Variants in TSEN2 observed in about 807,000 individuals in gnomAD.
TSEN2 encodes the protein tRNA-splicing endonuclease subunit Sen2.
TSEN2 carries 54 observed loss-of-function variants against 59.2 expected under a neutral mutation model. That is an observed-to-expected ratio of 0.91 (90% CI 0.73 to 1.14). The LOEUF (loss-of-function observed/expected upper bound fraction) is 1.14, where lower values mean the gene tolerates loss of function less well. Ranked by LOEUF, TSEN2 falls within the 50% of genes most tolerant of loss-of-function variation. TSEN2 has a pLI of 0.00. For missense variants in TSEN2, 636 were observed against 576.2 expected, an observed-to-expected ratio of 1.10 and a Z score of -1.06; for synonymous variants, 195 against 198.2, an observed-to-expected ratio of 0.98 and a Z score of 0.14.
chr3:12,506,960 C>G, intron 6 of TSEN2: 12 of 652,294 alleles, frequency 1.8e-5, no homozygotes, highest in Non-Finnish European at 2.3e-5. Context: ...TTTGGGAGGC[C>G]GAGGCGGGTG....
chr3:12,494,487 C>T (rs551387429), intron 3 of TSEN2, among the ~76,000 whole-genome samples: 1 of 152,296 alleles, frequency 6.6e-6, no homozygotes, highest in Admixed American at 6.5e-5. Context: ...TCCTCCACTT[C>T]CTGGGTTCAA....
intron 8 of TSEN2, among the ~76,000 whole-genome samples, chr3:12,528,349 G>A (rs1274184073): frequency 6.6e-6 from 1 of 152,174 alleles, no homozygotes; most frequent in East Asian, 1.9e-4. Flanking sequence ...AGGGTGAAAC[G>A]AGGTGTTAGG....
chr3:12,532,596 G>C (rs1183503900), intron 11 of TSEN2, 66 bp from the exon 12 acceptor site: 1 of 1,506,608 alleles, frequency 6.6e-7, no homozygotes, highest in Non-Finnish European at 9.2e-7. Flanking sequence ...TGTGGTGTCA[G>C]CTGTGGTGTC....
chr3:12,488,200 C>A (rs1313665136), intron 1 of TSEN2, among the ~76,000 whole-genome samples: 1 of 152,196 alleles, frequency 6.6e-6, no homozygotes, highest in Non-Finnish European at 1.5e-5. Flanking sequence ...CTGTTTCAGG[C>A]TTGATGGCAT....
intron 6 of TSEN2, 112 bp downstream of exon 6, chr3:12,505,343 G>T (rs777639685): frequency 4.0e-6 from 3 of 758,800 alleles, no homozygotes; most frequent in Non-Finnish European, 7.1e-6. Flanking sequence ...ATTGAATATT[G>T]TAATTCAGTA....
chr3:12,518,994 C>T lies in TSEN2; in HGVS notation c.961-65C>T, dbSNP rs923243710. On this transcript the variant is annotated intron_variant, in intron 7 of 11. Transcript: ENST00000284995. ...CCACACTTAGTATAGATGTTGGTGC[C>T]CTGGCTGAACGGAGAGTGAATGCAT... The T allele has an allele frequency of 1.7e-5, 27 of 1,549,804 alleles. No individual in the cohort carries two copies. The African/African-American group carries it at 2.7e-4, about 16-fold the overall frequency.
chr3:12,528,068 C>T (rs2057227060), intron 8 of TSEN2, among the ~76,000 whole-genome samples: 1 of 152,222 alleles, frequency 6.6e-6, no homozygotes, highest in Admixed American at 6.5e-5. Flanking sequence ...ACTTGAATGG[C>T]ATGTATGGTT....
intron 8 of TSEN2, 135 bp downstream of exon 8, chr3:12,519,332 A>G: frequency 1.5e-6 from 2 of 1,308,448 alleles, no homozygotes; most frequent in Non-Finnish European, 2.2e-6. Context: ...AGATTATTGG[A>G]TATTTGGATT....
At chr3:12,490,055 C>T in intron 2 of TSEN2, 66 bp downstream of exon 2, 2 of 1,472,396 alleles carry the variant, frequency 1.4e-6, no homozygotes, top group East Asian at 2.3e-5. Flanking sequence ...CTTTCCTTCT[C>T]CCCATCCCAG....
chr3:12,530,618 AGAGGGT>A lies in TSEN2; in HGVS notation c.1248+746_1248+751del, dbSNP rs1348845491. The A allele has an allele frequency of 3.3e-5, 33 of 985,530 alleles. No individual in the cohort carries two copies. The African/African-American group carries it at 4.9e-4, about 15-fold the overall frequency. 61.0% of individuals were successfully genotyped at this position (985,530 alleles called of 1,614,324 possible). ...CTGGAGGTGAGGTGGGGCTGAGGCC[AGAGGGT>A]CTTGCAGGGCTAGAGATGACTGCCC... On this transcript the variant is annotated intron_variant, in intron 10 of 11. Coordinates refer to ENST00000284995, the MANE Select transcript of TSEN2 (RefSeq NM_025265.4).
intron 6 of TSEN2, among the ~76,000 whole-genome samples, chr3:12,513,600 A>G (rs531225593): frequency 8.1e-4 from 123 of 152,336 alleles, no homozygotes; most frequent in African/African-American, 2.7e-3. Flanking sequence ...AACAATGACA[A>G]TTTGAGCTCA....
At chr3:12,501,725 G>A (rs1275504009) in intron 4 of TSEN2, among the ~76,000 whole-genome samples, 1 of 152,130 alleles carries the variant, frequency 6.6e-6, no homozygotes, top group African/African-American at 2.4e-5. Flanking sequence ...TCTTAACCAG[G>A]TAAAAGAAGG....
intron 8 of TSEN2, among the ~76,000 whole-genome samples, chr3:12,524,123 G>A (rs190600876): frequency 1.3e-5 from 2 of 152,128 alleles, no homozygotes; most frequent in Admixed American, 1.3e-4. Context: ...TATAGAGATG[G>A]GGTCTTTCTG....
chr3:12,512,838 T>C (rs1192803457), intron 6 of TSEN2, among the ~76,000 whole-genome samples: 3 of 152,274 alleles, frequency 2.0e-5, no homozygotes, highest in Non-Finnish European at 4.4e-5. Context: ...TTAGCTAATG[T>C]ATTCCATTGT....
chr3:12,519,106 G>A lies in TSEN2; in HGVS notation c.1008G>A (p.Gln336=). ...VKLWKAFTVV[Q]PTFRTTYMAY... is the part of the protein sequence containing the mutation. ...TCTGGAAAGCTTTCACTGTAGTTCA[G>A]CCCACGTTCAGAACCACCTACATGG... is the stretch of plus-strand genomic sequence containing the variant. Residue 336 remains glutamine (Q), a synonymous_variant, in exon 8 of 12, where the codon CAG becomes CAA. Coordinates refer to ENST00000284995, the MANE Select transcript of TSEN2 (RefSeq NM_025265.4). The A allele has an allele frequency of 6.2e-7, 1 of 1,614,194 alleles. No homozygotes were observed. The highest frequency in any genetic ancestry group is 1.3e-5 in the African/African-American group (1 of 75,046).
intron 2 of TSEN2, among the ~76,000 whole-genome samples, chr3:12,490,893 C>A (rs1397360305): frequency 6.6e-6 from 1 of 152,188 alleles, no homozygotes; most frequent in Admixed American, 6.5e-5. Flanking sequence ...GGGCAGCTCA[C>A]CAGGGAGGCC....
chr3:12,495,476 C>T (rs536259285), intron 3 of TSEN2, among the ~76,000 whole-genome samples: 1 of 152,288 alleles, frequency 6.6e-6, no homozygotes, highest in South Asian at 2.1e-4. Context: ...ACAATCCACC[C>T]GTCTCAGCTT....
Position 12,503,449 on chromosome 3 carries a change from G to C in TSEN2, c.496G>C (p.Gly166Arg), listed in dbSNP as rs373438118. The C allele has an allele frequency of 7.4e-6, 12 of 1,614,234 alleles. No homozygotes were observed. The African/African-American group carries it at 8.0e-5, about 11-fold the overall frequency. Residue 166 changes from glycine to arginine, a missense_variant, in exon 5 of 12, where the codon GGG becomes CGG. Coordinates refer to ENST00000284995, the MANE Select transcript of TSEN2 (RefSeq NM_025265.4). ...GGTTTCCAACATGGAAGGCACAGCA[G>C]GGGGAGAGAGACCTTCTGTGGTAAA... is the stretch of plus-strand genomic sequence containing the variant. ...GMVSNMEGTA[G>R]GERPSVVNGD... is the part of the protein sequence containing the mutation.
In TSEN2 at chr3:12,492,146, G is replaced by GAA. The variant is rs1278949958; in HGVS notation, c.203_204dup (p.Gly69LysfsTer25). On this transcript the variant is annotated frameshift_variant, in exon 3 of 12. Coordinates refer to ENST00000284995, the MANE Select transcript of TSEN2 (RefSeq NM_025265.4). LOFTEE classifies it high-confidence loss of function. Reference sequence around the variant, plus strand: ...CTCTCTTCCTGGAAGGGTTATTTTGGAAAAGGTATTCTTTCAAGAAGCCGT... The same window carrying GAA: ...CTCTCTTCCTGGAAGGGTTATTTTGGAAAAAAGGTATTCTTTCAAGAAGCCGT... 7 of 1,613,986 alleles carry GAA rather than the reference G, an allele frequency of 4.3e-6. No homozygotes were observed. The highest frequency in any genetic ancestry group is 5.9e-6 in the Non-Finnish European group (7 of 1,179,882).
Sources: allele counts gnomAD v4.1 joint callset (sites outside exome capture counted in the v4.1 genomes callset), GRCh38; gene constraint gnomAD v4.1.1; transcripts MANE v1.5; gene names NCBI Gene and HGNC (gene_info 2026-07-23, HGNC 2026-07-21).